GRIK1: variants seen among roughly 807,000 people sequenced by gnomAD.
GRIK1 encodes glutamate ionotropic receptor kainate type subunit 1, also known as glutamate receptor ionotropic, kainate 1.
Under a neutral mutation model 105.7 loss-of-function variants are expected in GRIK1, and 69 were observed. That is an observed-to-expected ratio of 0.65 (90% CI 0.54 to 0.80). The LOEUF is 0.80. GRIK1 is among the 30% of genes least tolerant of loss of function. The pLI is 0.00. For missense variants in GRIK1, 1,109 were observed against 1,167.3 expected, an observed-to-expected ratio of 0.95 and a Z score of 0.73; for synonymous variants, 438 against 431.3, an observed-to-expected ratio of 1.02 and a Z score of -0.19.
intron 13 of GRIK1, among the ~76,000 whole-genome samples, chr21:29,579,062 G>C (rs986628396): frequency 6.6e-6 from 1 of 152,112 alleles, no homozygotes; most frequent in Admixed American, 6.6e-5. Flanking sequence ...AGAGTGGACA[G>C]ACAGGTGAAC....
At chr21:29,835,176 T>C (rs770934116) in intron 1 of GRIK1, among the ~76,000 whole-genome samples, 3 of 152,214 alleles carry the variant, frequency 2.0e-5, no homozygotes, top group African/African-American at 4.8e-5. Flanking sequence ...TTTTGTGTAC[T>C]TTTGTAAGCC....
At chr21:29,622,042 G>T (rs2062018092) in intron 7 of GRIK1, among the ~76,000 whole-genome samples, 1 of 152,136 alleles carries the variant, frequency 6.6e-6, no homozygotes, top group South Asian at 2.1e-4. Flanking sequence ...TGCCTCCCAG[G>T]TTCAAGTGAT....
intron 1 of GRIK1, among the ~76,000 whole-genome samples, chr21:29,752,449 T>C (rs1275730943): frequency 3.3e-5 from 5 of 152,232 alleles, no homozygotes; most frequent in Non-Finnish European, 7.3e-5. Flanking sequence ...GTCTGCTTCT[T>C]CTTTGCAAGA....
At chr21:29,938,728 T>G (rs960959207) in intron 1 of GRIK1, among the ~76,000 whole-genome samples, 31 of 152,136 alleles carry the variant, frequency 2.0e-4, no homozygotes, top group Non-Finnish European at 2.9e-5. Flanking sequence ...GAAACTTAAG[T>G]GTCTGCTGAT....
intron 1 of GRIK1, among the ~76,000 whole-genome samples, chr21:29,895,961 A>T (rs2070136586): frequency 6.6e-6 from 1 of 152,066 alleles, no homozygotes. Flanking sequence ...AGCCACACTG[A>T]CCTCTGTGTT....
At chr21:29,625,618 C>A (rs1401706599) in intron 7 of GRIK1, among the ~76,000 whole-genome samples, 1 of 152,162 alleles carries the variant, frequency 6.6e-6, no homozygotes. Context: ...TTGTCCCTGA[C>A]AAGCACTCCC....
chr21:29,555,096 C>T lies in GRIK1; in HGVS notation c.2563G>A (p.Gly855Arg). The stretch of plus-strand genomic sequence containing the variant: ...TTCCGTGATTTGTATATGAATTCTC[C>T]AATAGCTACAAATACAGAAAGGACC... ...GLVLSVFVAI[G>R]EFIYKSRKNN... Residue 855 changes from glycine (G) to arginine (R), a missense_variant, in exon 16 of 18, where the codon GGA becomes AGA. By Grantham distance (125) the Gly-to-Arg change is moderately radical. Around this residue, in one of 5 missense-constraint regions of GRIK1, gnomAD observed 161 missense variants for 143.4 expected, o/e 1.12. Transcript: ENST00000327783. 1 of 1,609,806 alleles carries T rather than the reference C, an allele frequency of 6.2e-7. No homozygotes were observed. Among genetic ancestry groups the T allele is most frequent in the Non-Finnish European group, 8.5e-7 (1 of 1,176,070 alleles).
chr21:29,559,616 A>G (rs528626353), intron 15 of GRIK1, among the ~76,000 whole-genome samples: 2 of 152,362 alleles, frequency 1.3e-5, no homozygotes, highest in African/African-American at 2.4e-5. Flanking sequence ...TCCATAGCAC[A>G]TATTTCTAAC....
chr21:29,913,672 A>AATATATATATATATATATATATAT (rs60924907), intron 1 of GRIK1, among the ~76,000 whole-genome samples: 4 of 144,572 alleles, frequency 2.8e-5, no homozygotes, highest in African/African-American at 1.0e-4. Context: ...AGAAACACTA[A>AATATATATATATATATATATATAT]ATATATATAT....
intron 1 of GRIK1, among the ~76,000 whole-genome samples, chr21:29,853,612 C>A (rs1016268538): frequency 6.6e-6 from 1 of 152,230 alleles, no homozygotes; most frequent in African/African-American, 2.4e-5. Context: ...AATAGGCCAA[C>A]TATGCTTTCC....
intron 7 of GRIK1, among the ~76,000 whole-genome samples, chr21:29,633,681 T>C (rs2062335255): frequency 6.6e-6 from 1 of 152,094 alleles, no homozygotes; most frequent in Admixed American, 6.6e-5. Context: ...ATTTTATCCA[T>C]CCAGAGTTGT....
chr21:29,635,933 C>A (rs775675804), intron 7 of GRIK1, among the ~76,000 whole-genome samples: 14 of 152,166 alleles, frequency 9.2e-5, no homozygotes, highest in Non-Finnish European at 1.3e-4. Context: ...CAAACAGGAA[C>A]TCATAGAGTC....
chr21:29,868,872 CA>C (rs1169839895), intron 1 of GRIK1, among the ~76,000 whole-genome samples: 1 of 152,140 alleles, frequency 6.6e-6, no homozygotes, highest in Non-Finnish European at 1.5e-5. Flanking sequence ...AGGATTCCAA[CA>C]ATATTCTACT....
At chr21:29,926,322 G>T (rs1415756069) in intron 1 of GRIK1, among the ~76,000 whole-genome samples, 4 of 152,152 alleles carry the variant, frequency 2.6e-5, no homozygotes, top group African/African-American at 9.7e-5. Flanking sequence ...AGAAACCACA[G>T]TGATTAGTCC....
intron 14 of GRIK1, among the ~76,000 whole-genome samples, chr21:29,570,796 T>G (rs2090726651): frequency 6.6e-6 from 1 of 151,134 alleles, no homozygotes; most frequent in African/African-American, 2.4e-5. Context: ...TGTGACAACA[T>G]AAGCCTTAAT....
intron 1 of GRIK1, among the ~76,000 whole-genome samples, chr21:29,794,408 C>A (rs1409617344): frequency 1.3e-5 from 2 of 152,208 alleles, no homozygotes; most frequent in Admixed American, 1.3e-4. Flanking sequence ...CATTATCTCA[C>A]TTTTAAAAGC....
chr21:29,694,767 T>A (rs1020445630), intron 1 of GRIK1, among the ~76,000 whole-genome samples: 1 of 152,190 alleles, frequency 6.6e-6, no homozygotes. Context: ...AGAATGAAGA[T>A]CTTTCTATTC....
At chr21:29,606,395 G>T (rs949746276) in intron 7 of GRIK1, among the ~76,000 whole-genome samples, 6 of 152,164 alleles carry the variant, frequency 3.9e-5, no homozygotes, top group East Asian at 3.9e-4. Flanking sequence ...TAGGTGTTAA[G>T]CCCCACATGC....
chr21:29,913,315 G>A (rs2146300035), intron 1 of GRIK1, among the ~76,000 whole-genome samples: 1 of 152,098 alleles, frequency 6.6e-6, no homozygotes, highest in South Asian at 2.1e-4. Flanking sequence ...AAATAAAAAT[G>A]GATAACTCTG....
Sources: gnomAD v4.1 joint callset for allele counts (sites outside exome capture counted in the v4.1 genomes callset) on GRCh38, gnomAD v4.1.1 for gene constraint, gnomAD v4.1.1 regional missense constraint, MANE v1.5 for transcripts, NCBI Gene and HGNC (gene_info 2026-07-23, HGNC 2026-07-21) for gene names.